The following ANKS1B variants were observed in gnomAD, a reference collection of about 807,000 sequenced individuals.
ANKS1B encodes the protein ankyrin repeat and sterile alpha motif domain containing 1B.
Under a neutral mutation model 148.3 loss-of-function variants are expected in ANKS1B, and 36 were observed. The observed-to-expected ratio is 0.24, with a 90% confidence interval of 0.19 to 0.32. ANKS1B has a LOEUF of 0.32. Ranked by LOEUF, ANKS1B falls within the 10% of genes least tolerant of loss-of-function variation. The pLI, the probability that ANKS1B is intolerant of heterozygous loss-of-function variation, is 1.00. For missense variants in ANKS1B, 1,157 were observed against 1,542.6 expected, an observed-to-expected ratio of 0.75 and a Z score of 4.19; for synonymous variants, 542 against 560.8, an observed-to-expected ratio of 0.97 and a Z score of 0.47.
At chr12:99,374,552 T>A (rs1408003865) in intron 12 of ANKS1B, among the ~76,000 whole-genome samples, 1 of 152,228 alleles carries the variant, frequency 6.6e-6, no homozygotes, top group Non-Finnish European at 1.5e-5. Flanking sequence ...TGGCTTGTTT[T>A]TATTAATCTT....
At chr12:99,279,454 C>G (rs2078102277) in intron 12 of ANKS1B, among the ~76,000 whole-genome samples, 1 of 152,146 alleles carries the variant, frequency 6.6e-6, no homozygotes, top group African/African-American at 2.4e-5. Context: ...GCAGCAGTCA[C>G]TCCTCATTCA....
chr12:98,797,583 T>G (rs1247622955), intron 22 of ANKS1B, among the ~76,000 whole-genome samples: 1 of 152,198 alleles, frequency 6.6e-6, no homozygotes, highest in African/African-American at 2.4e-5. Context: ...ACTCAGTACC[T>G]AAGTTAAATA....
At chr12:99,141,836 G>A (rs2070927723) in intron 15 of ANKS1B, among the ~76,000 whole-genome samples, 1 of 151,872 alleles carries the variant, frequency 6.6e-6, no homozygotes, top group Admixed American at 6.6e-5. Context: ...TCATTGATAG[G>A]CATTTCGGTT....
At chr12:99,200,342 C>T (rs1175675668) in intron 14 of ANKS1B, among the ~76,000 whole-genome samples, 1 of 152,186 alleles carries the variant, frequency 6.6e-6, no homozygotes, top group African/African-American at 2.4e-5. Context: ...CCATCGTTTA[C>T]AGGTTAATTA....
chr12:99,964,150 A>C (rs190857067), intron 1 of ANKS1B, among the ~76,000 whole-genome samples: 4 of 152,298 alleles, frequency 2.6e-5, no homozygotes, highest in Admixed American at 2.6e-4. Context: ...AAAGAATGCA[A>C]AGTGCTGACC....
chr12:99,872,816 T>A (rs79192329), intron 1 of ANKS1B, among the ~76,000 whole-genome samples: 177 of 152,296 alleles, frequency 1.2e-3, no homozygotes, highest in African/African-American at 4.1e-3. Flanking sequence ...GAAAACTATC[T>A]CTTTAGGGAA....
chr12:99,661,892 T>C (rs970796377), intron 8 of ANKS1B, among the ~76,000 whole-genome samples: 7 of 152,172 alleles, frequency 4.6e-5, no homozygotes, highest in Admixed American at 2.6e-4. Context: ...TGTGCCCTTC[T>C]TCCTCCCCTT....
At chr12:99,901,522 T>C (rs1340701394) in intron 1 of ANKS1B, among the ~76,000 whole-genome samples, 1 of 152,164 alleles carries the variant, frequency 6.6e-6, no homozygotes, top group East Asian at 1.9e-4. Context: ...CACACTGGAA[T>C]CCTATAGTGG....
intron 17 of ANKS1B, among the ~76,000 whole-genome samples, chr12:98,885,922 T>C (rs1308108751): frequency 6.6e-6 from 1 of 152,080 alleles, no homozygotes. Context: ...ACTCACACTA[T>C]GTCTGGGGAA....
chr12:98,793,462 G>T (rs949654811), intron 22 of ANKS1B, among the ~76,000 whole-genome samples: 2 of 152,052 alleles, frequency 1.3e-5, no homozygotes, highest in African/African-American at 4.8e-5. Context: ...CAAAAGCACA[G>T]GCAACAAAAG....
chr12:99,459,942 T>C (rs914889710), intron 10 of ANKS1B, among the ~76,000 whole-genome samples: 3 of 152,034 alleles, frequency 2.0e-5, no homozygotes, highest in Non-Finnish European at 2.9e-5. Flanking sequence ...AGAGCCCACA[T>C]AACCAAAACA....
intron 9 of ANKS1B, among the ~76,000 whole-genome samples, chr12:99,606,905 G>A (rs553022913): frequency 3.5e-4 from 53 of 152,110 alleles, no homozygotes; most frequent in East Asian, 9.6e-4. Context: ...CTGAAACACT[G>A]GACACAGATA....
At chr12:99,437,909 A>G (rs945417461) in intron 11 of ANKS1B, among the ~76,000 whole-genome samples, 1 of 151,912 alleles carries the variant, frequency 6.6e-6, no homozygotes. Flanking sequence ...CCACTCTTCA[A>G]TTCCTTTCAT....
chr12:99,424,168 A>G (rs2095180390), intron 11 of ANKS1B, among the ~76,000 whole-genome samples: 1 of 152,188 alleles, frequency 6.6e-6, no homozygotes, highest in South Asian at 2.1e-4. Context: ...TAATATAATA[A>G]GTAGGGAAAT....
intron 12 of ANKS1B, among the ~76,000 whole-genome samples, chr12:99,330,586 G>A (rs902201205): frequency 3.3e-5 from 5 of 152,008 alleles, no homozygotes; most frequent in Non-Finnish European, 7.4e-5. Flanking sequence ...GATTGGAGGT[G>A]GGAAGGGGTC....
chr12:99,517,894 C>T (rs1214646311), intron 9 of ANKS1B, among the ~76,000 whole-genome samples: 1 of 152,006 alleles, frequency 6.6e-6, no homozygotes, highest in East Asian at 1.9e-4. Flanking sequence ...TATGTTCCTT[C>T]TATACTCAGT....
chr12:99,956,378 G>A (rs961278338), intron 1 of ANKS1B, among the ~76,000 whole-genome samples: 1 of 151,890 alleles, frequency 6.6e-6, no homozygotes, highest in South Asian at 2.1e-4. Flanking sequence ...TTTTTCTGGG[G>A]GTCTTAGGCA....
chr12:99,757,389 A>G (rs2061668082), intron 8 of ANKS1B, among the ~76,000 whole-genome samples: 1 of 152,094 alleles, frequency 6.6e-6, no homozygotes, highest in South Asian at 2.1e-4. Flanking sequence ...CCAAAACCAC[A>G]ATGAGATGCC....
intron 17 of ANKS1B, among the ~76,000 whole-genome samples, chr12:98,863,926 C>T (rs866322019): frequency 1.6e-4 from 24 of 152,186 alleles, no homozygotes; most frequent in African/African-American, 5.1e-4. Context: ...CACACGCATA[C>T]GTGGCAACAG....
Sources: allele counts gnomAD v4.1 joint callset (sites outside exome capture counted in the v4.1 genomes callset), GRCh38; gene constraint gnomAD v4.1.1; transcripts MANE v1.5; gene names NCBI Gene and HGNC (gene_info 2026-07-23, HGNC 2026-07-21).